Variants in RYR2 observed in about 807,000 individuals in gnomAD.
The protein encoded by RYR2 is cardiac muscle ryanodine receptor-calcium release channel.
Under a neutral mutation model 601.1 loss-of-function variants are expected in RYR2, and 227 were observed. The ratio of observed to expected loss-of-function variants is 0.38; its 90% CI spans 0.34 to 0.42. The LOEUF is 0.42. RYR2 is among the 10% of genes least tolerant of loss of function. The pLI, the probability that RYR2 is intolerant of heterozygous loss-of-function variation, is 1.00. For synonymous variants in RYR2, 2,223 were observed against 2,175.1 expected, an observed-to-expected ratio of 1.02 and a Z score of -0.61; for missense variants, 4,646 against 6,156.5, an observed-to-expected ratio of 0.75 and a Z score of 8.21.
intron 38 of RYR2, among the ~76,000 whole-genome samples, chr1:237,618,162 G>C (rs1370398804): frequency 1.3e-5 from 2 of 152,082 alleles, no homozygotes; most frequent in East Asian, 3.9e-4. Flanking sequence ...CAGAATGAAA[G>C]TGTTTATAGG....
At chr1:237,505,552 C>T (rs1162171561) in intron 22 of RYR2, among the ~76,000 whole-genome samples, 1 of 152,132 alleles carries the variant, frequency 6.6e-6, no homozygotes, top group African/African-American at 2.4e-5. Context: ...TTGCATTGCC[C>T]ATTGCTAAAA....
At chr1:237,110,018 C>T (rs368432257) in intron 1 of RYR2, among the ~76,000 whole-genome samples, 3 of 152,142 alleles carry the variant, frequency 2.0e-5, no homozygotes, top group Non-Finnish European at 2.9e-5. Flanking sequence ...TCTAATCCCC[C>T]GGCCCCACTT....
intron 1 of RYR2, among the ~76,000 whole-genome samples, chr1:237,103,550 T>C (rs1008916376): frequency 6.6e-6 from 1 of 152,194 alleles, no homozygotes; most frequent in African/African-American, 2.4e-5. Flanking sequence ...TTCTGCCCAT[T>C]TTCCAGGCTA....
intron 1 of RYR2, among the ~76,000 whole-genome samples, chr1:237,155,876 C>G (rs550180312): frequency 6.6e-6 from 1 of 152,284 alleles, no homozygotes; most frequent in East Asian, 1.9e-4. Context: ...ATTGTTCAAC[C>G]TCGTCACCAT....
Position 237,081,142 on chromosome 1 carries a change from A to T in RYR2, c.48+38573A>T, listed in dbSNP as rs866521860. On this transcript the variant is annotated intron_variant, in intron 1 of 104. Transcript: ENST00000366574. ...CTGGGGACTGTGGTGGGGTCGGGGGAGGGGGGAGGGATAGCATTGGAAGAT... is the reference window on the plus strand; with the variant it reads ...CTGGGGACTGTGGTGGGGTCGGGGGTGGGGGGAGGGATAGCATTGGAAGAT... Among the ~76,000 whole-genome samples, 410 of 76,874 alleles carry T rather than the reference A, an allele frequency of 5.3e-3. 6 individuals are homozygous for T. Among genetic ancestry groups the T allele is most frequent in the African/African-American group, 0.019 (352 of 18,984 alleles). 50.4% of individuals were successfully genotyped at this position (76,874 alleles called of 152,430 possible).
At chr1:237,739,713 C>A (rs1023391952) in intron 79 of RYR2, among the ~76,000 whole-genome samples, 1 of 152,186 alleles carries the variant, frequency 6.6e-6, no homozygotes, top group African/African-American at 2.4e-5. Context: ...CACCCATGAG[C>A]TCTCTGTTAG....
intron 1 of RYR2, among the ~76,000 whole-genome samples, chr1:237,118,657 T>G (rs1465876839): frequency 6.6e-6 from 1 of 151,984 alleles, no homozygotes; most frequent in African/African-American, 2.4e-5. Context: ...CAGGCTGGAG[T>G]GCAGTGGCAT....
chr1:237,814,191 A>G (rs1344357531), intron 100 of RYR2, among the ~76,000 whole-genome samples: 2 of 152,220 alleles, frequency 1.3e-5, no homozygotes, highest in Non-Finnish European at 2.9e-5. Context: ...CTGATCACTT[A>G]GAGTAGTGCG....
chr1:237,748,308 G>A (rs1435299689), intron 80 of RYR2, among the ~76,000 whole-genome samples: 1 of 151,554 alleles, frequency 6.6e-6, no homozygotes, highest in Admixed American at 6.6e-5. Context: ...CCTCCCCGGG[G>A]AAGGAGGATA....
At chr1:237,580,478 A>G (rs1673788770) in intron 29 of RYR2, among the ~76,000 whole-genome samples, 1 of 151,814 alleles carries the variant, frequency 6.6e-6, no homozygotes, top group Admixed American at 6.6e-5. Flanking sequence ...TTAAAAAAAA[A>G]AAAAATGAAG....
At chr1:237,528,422 T>C (rs1377472430) in intron 24 of RYR2, among the ~76,000 whole-genome samples, 1 of 152,072 alleles carries the variant, frequency 6.6e-6, no homozygotes, top group Non-Finnish European at 1.5e-5. Flanking sequence ...CCACTGGGAG[T>C]CCTGGAACAT....
At chr1:237,509,988 T>G (rs960690690) in intron 23 of RYR2, among the ~76,000 whole-genome samples, 1 of 152,154 alleles carries the variant, frequency 6.6e-6, no homozygotes, top group African/African-American at 2.4e-5. Flanking sequence ...AGCCAGGCCA[T>G]GTATGCAGGA....
chr1:237,480,378 C>CAAAAAAAAAAA (rs61271895), intron 17 of RYR2, among the ~76,000 whole-genome samples: 4 of 57,688 alleles, frequency 6.9e-5, no homozygotes, highest in Admixed American at 1.9e-4. Flanking sequence ...AAGATCATCT[C>CAAAAAAAAAAA]AAAAAAAAAA....
chr1:237,664,664 G>T (rs931822661), intron 56 of RYR2, among the ~76,000 whole-genome samples: 1 of 152,144 alleles, frequency 6.6e-6, no homozygotes, highest in Non-Finnish European at 1.5e-5. Context: ...GACAATATGA[G>T]GGAATTATGG....
intron 1 of RYR2, among the ~76,000 whole-genome samples, chr1:237,177,162 T>C (rs1352128405): frequency 2.6e-5 from 4 of 152,202 alleles, no homozygotes; most frequent in African/African-American, 7.2e-5. Context: ...GGCAAAAATC[T>C]TTGCATGGGT....
chr1:237,638,523 T>G (rs750577493), intron 45 of RYR2, 31 bp downstream of exon 45: 1 of 1,610,258 alleles, frequency 6.2e-7, no homozygotes, highest in Non-Finnish European at 8.5e-7. Flanking sequence ...GTCTTTTGAG[T>G]TATCATTAAA....
chr1:237,704,425 T>A lies in RYR2; in HGVS notation c.9450-788T>A, dbSNP rs10925499. ...AAAATAAAACCATCATGTAAAGTAA[T>A]GTATTTACTAGATTACATTTAGAAT... On this transcript the variant is annotated intron_variant, in intron 66 of 104. Transcript: ENST00000366574. 2.6e-3 allele frequency among the ~76,000 whole-genome samples: 392 copies of A among 152,260 alleles called. 1 individual carries two copies. Among genetic ancestry groups the A allele is most frequent in the African/African-American group, 8.8e-3 (366 of 41,574 alleles).
At chr1:237,823,091 T>C (rs1247833878) in intron 101 of RYR2, among the ~76,000 whole-genome samples, 1 of 152,104 alleles carries the variant, frequency 6.6e-6, no homozygotes, top group Non-Finnish European at 1.5e-5. Flanking sequence ...GTGGAAGACT[T>C]TAACACCACA....
At chr1:237,774,548 C>T (rs1489013420) in intron 87 of RYR2, among the ~76,000 whole-genome samples, 2 of 152,058 alleles carry the variant, frequency 1.3e-5, no homozygotes, top group African/African-American at 4.8e-5. Flanking sequence ...TATTTTTTGC[C>T]TTGGTGGGGA....
Sources: allele counts gnomAD v4.1 joint callset (sites outside exome capture counted in the v4.1 genomes callset), GRCh38; gene constraint gnomAD v4.1.1; transcripts MANE v1.5; gene names NCBI Gene and HGNC (gene_info 2026-07-23, HGNC 2026-07-21).